The following ZBTB46 variants were observed in gnomAD, a reference collection of about 807,000 sequenced individuals.
The protein encoded by ZBTB46 is zinc finger and BTB domain-containing protein 46.
A neutral mutation model predicts 44.1 loss-of-function variants in ZBTB46; 8 were observed. That is an observed-to-expected ratio of 0.18 (90% CI 0.11 to 0.33). The LOEUF is 0.33. Among genes scored for constraint, ZBTB46 ranks in the 10% least tolerant of loss-of-function variants. The probability of loss-of-function intolerance (pLI) is 1.00; values close to 1 mark genes in which losing one functional copy is unlikely to be tolerated. For synonymous variants in ZBTB46, 409 were observed against 382.3 expected, an observed-to-expected ratio of 1.07 and a Z score of -0.81; for missense variants, 651 against 847.7, an observed-to-expected ratio of 0.77 and a Z score of 2.88.
At chr20:63,820,895 A>AT (rs57955289) in intron 1 of ZBTB46, among the ~76,000 whole-genome samples, 1,937 of 142,300 alleles carry the variant, frequency 0.014, 20 homozygotes, top group Non-Finnish European at 0.021. Context: ...TGCATGGCTA[A>AT]TTTTTTTTTT....
At chr20:63,799,284 C>A (rs897701250) in intron 1 of ZBTB46, among the ~76,000 whole-genome samples, 3 of 152,076 alleles carry the variant, frequency 2.0e-5, no homozygotes, top group Non-Finnish European at 4.4e-5. Flanking sequence ...AAGCCATCCA[C>A]CAGCCTCAGC....
In ZBTB46 at chr20:63,803,517, G is replaced by C; in HGVS notation, c.-33-12727C>G. On this transcript the variant is annotated intron_variant, in intron 1 of 4. Coordinates refer to ENST00000245663, the MANE Select transcript of ZBTB46 (RefSeq NM_001369741.1). The surrounding 1 kb of genome is among the most constrained non-coding windows in gnomAD (Gnocchi z 4.0). ...GTTTTCCACATGGCAGCCCCCATGT[G>C]GCCATCTGAAGATGCAAAGCCATGT... 1 of 985,340 alleles carries C rather than the reference G, an allele frequency of 1.0e-6. No individual in the cohort carries two copies. Among genetic ancestry groups the C allele is most frequent in the Non-Finnish European group, 1.2e-6 (1 of 829,914 alleles). The allele number at this position is 985,340 out of a possible 1,614,324, so 61.0% of individuals were successfully genotyped here. A position where few individuals can be genotyped will look rare whatever the true frequency, so the allele number is the denominator to read the frequency against.
intron 3 of ZBTB46, among the ~76,000 whole-genome samples, chr20:63,770,651 A>G (rs2092361296): frequency 6.6e-6 from 1 of 152,130 alleles, no homozygotes; most frequent in Non-Finnish European, 1.5e-5. Context: ...TAAATTCAGA[A>G]ATCTGCGACC....
chr20:63,832,684 G>T (rs1259080176), upstream of ZBTB46, among the ~76,000 whole-genome samples: 9 of 152,106 alleles, frequency 5.9e-5, no homozygotes, highest in Non-Finnish European at 1.3e-4. The surrounding 1 kb of genome is among the most constrained non-coding windows in gnomAD (Gnocchi z 5.0). Context: ...TCGCCGGGAT[G>T]GCACTGCGGC....
chr20:63,825,881 C>A (rs1441528373), intron 1 of ZBTB46, among the ~76,000 whole-genome samples: 1 of 152,248 alleles, frequency 6.6e-6, no homozygotes, highest in Non-Finnish European at 1.5e-5. Context: ...CATGCCCCAG[C>A]AGATAAGCAA....
intron 2 of ZBTB46, among the ~76,000 whole-genome samples, chr20:63,777,767 T>G (rs975121850): frequency 5.9e-5 from 9 of 152,052 alleles, no homozygotes; most frequent in Non-Finnish European, 1.0e-4. Flanking sequence ...GACGAATGGA[T>G]AAACATAACA....
chr20:63,755,907 A>G (rs2092216445), intron 3 of ZBTB46, among the ~76,000 whole-genome samples: 1 of 152,208 alleles, frequency 6.6e-6, no homozygotes, highest in African/African-American at 2.4e-5. Context: ...ACCCTTTGCC[A>G]GGAATCAGGT....
intron 1 of ZBTB46, 49 bp from the exon 2 acceptor site, chr20:63,790,839 C>A: frequency 6.8e-7 from 1 of 1,463,370 alleles, no homozygotes; most frequent in Non-Finnish European, 9.0e-7. Flanking sequence ...AGACAGAGGC[C>A]GTGAGAGGAC....
intron 1 of ZBTB46, among the ~76,000 whole-genome samples, chr20:63,826,668 T>C (rs1048043148): frequency 1.3e-5 from 2 of 152,110 alleles, no homozygotes; most frequent in Admixed American, 6.5e-5. Flanking sequence ...GAGCTTGCAG[T>C]GAGCCGACAT....
In ZBTB46 at chr20:63,747,020, C is replaced by T. The variant is rs774987565; in HGVS notation, c.1680G>A (p.Ala560=). The change falls in exon 5 of 5, where the codon GCG becomes GCA. Residue 560 remains alanine (A), a synonymous_variant. Coordinates refer to ENST00000245663, the MANE Select transcript of ZBTB46 (RefSeq NM_001369741.1). ...CCTCATCCTTGTCGTCCGCCAACAG[C>T]GCATCCTCAGGGGCCAGGCCCTCGT... The part of the protein sequence containing the change: ...EDDEGLAPED[A]LLADDKDEED... The T allele has an allele frequency of 7.5e-5, 120 of 1,608,038 alleles. No homozygotes were observed. Among genetic ancestry groups the T allele is most frequent in the Non-Finnish European group, 9.1e-5 (107 of 1,179,608 alleles).
chr20:63,822,369 T>G (rs1480591089), intron 1 of ZBTB46, among the ~76,000 whole-genome samples: 1 of 152,088 alleles, frequency 6.6e-6, no homozygotes, highest in Non-Finnish European at 1.5e-5. Flanking sequence ...GGGCCCCCAA[T>G]GAGAAAAGCC....
rs1438272895 is a variant in ZBTB46, at chr20:63,760,997, CTCT to C, written c.1223-8139_1223-8137del. Among the ~76,000 whole-genome samples the C allele has an allele frequency of 9.4e-3, 1,076 of 114,618 alleles. 19 individuals are homozygous for C. The highest frequency in any genetic ancestry group is 0.041 in the African/African-American group (1,022 of 25,156). 75.2% of individuals were successfully genotyped at this position (114,618 alleles called of 152,430 possible). A position where few individuals can be genotyped will look rare whatever the true frequency, so the allele number is the denominator to read the frequency against. On this transcript the variant is annotated intron_variant, in intron 3 of 4. Transcript: ENST00000245663. ...TGCCTGCTTTCTACTTCATTGATAG[CTCT>C]TTTTTTTTTTTTTTTTCAGATGGAG...
intron 3 of ZBTB46, among the ~76,000 whole-genome samples, chr20:63,765,780 T>C (rs1250447744): frequency 1.3e-5 from 2 of 152,190 alleles, no homozygotes; most frequent in African/African-American, 2.4e-5. Context: ...ATGTTAGAAG[T>C]AGGGATAAAG....
intron 1 of ZBTB46, among the ~76,000 whole-genome samples, chr20:63,812,026 T>C (rs2092720412): frequency 6.6e-6 from 1 of 152,150 alleles, no homozygotes; most frequent in Non-Finnish European, 1.5e-5. Flanking sequence ...AACAAGGCTT[T>C]AGTGCTGACC....
Position 63,796,019 on chromosome 20 carries a change from G to C in ZBTB46, c.-33-5229C>G, listed in dbSNP as rs186330385. On this transcript the variant is annotated intron_variant, in intron 1 of 4. Transcript: ENST00000245663. ...CACTCCAATCCTCTCATTTGAGGAC[G>C]AATGTGCCCTGGCCACAGCCTGGAT... 7.3e-4 allele frequency among the ~76,000 whole-genome samples: 111 copies of C among 152,340 alleles called. No homozygotes were observed. In the Middle Eastern group the frequency reaches 0.017, roughly 23 times the overall value.
intron 2 of ZBTB46, among the ~76,000 whole-genome samples, chr20:63,778,210 T>TAAC (rs918541150): frequency 1.3e-5 from 2 of 152,078 alleles, no homozygotes; most frequent in African/African-American, 2.4e-5. Flanking sequence ...AGCTTCTATT[T>TAAC]AACAACAACA....
chr20:63,794,382 G>A (rs1022636453), intron 1 of ZBTB46, among the ~76,000 whole-genome samples: 24 of 152,000 alleles, frequency 1.6e-4, no homozygotes, highest in African/African-American at 5.8e-4. Flanking sequence ...TGTAGTGACA[G>A]GAGTCTTGCT....
chr20:63,778,823 CTTATG>C (rs1367263613), intron 2 of ZBTB46, among the ~76,000 whole-genome samples: 1 of 152,222 alleles, frequency 6.6e-6, no homozygotes, highest in Non-Finnish European at 1.5e-5. Flanking sequence ...TATATCCAAA[CTTATG>C]TTAAGGCTTT....
At chr20:63,762,162 C>G (rs1212160848) in intron 3 of ZBTB46, among the ~76,000 whole-genome samples, 1 of 152,172 alleles carries the variant, frequency 6.6e-6, no homozygotes, top group African/African-American at 2.4e-5. Flanking sequence ...AGAATAGCAG[C>G]TTGTGACCAG....
Sources: gnomAD v4.1 joint callset for allele counts (sites outside exome capture counted in the v4.1 genomes callset) on GRCh38, gnomAD v4.1.1 for gene constraint, Gnocchi (gnomAD v3.1) non-coding constraint, MANE v1.5 for transcripts, NCBI Gene and HGNC (gene_info 2026-07-23, HGNC 2026-07-21) for gene names.